MREG: variants seen among roughly 807,000 people sequenced by gnomAD.
MREG encodes dilute suppressor protein homolog.
A neutral mutation model predicts 28.5 loss-of-function variants in MREG; 31 were observed. The observed-to-expected ratio is 1.09, with a 90% CI of 0.82 to 1.47. MREG has a LOEUF of 1.47. Ranked by LOEUF, MREG falls within the 40% of genes most tolerant of loss-of-function variation. The probability of loss-of-function intolerance (pLI) is 0.00; values close to 1 mark genes in which losing one functional copy is unlikely to be tolerated. For missense variants in MREG, 256 were observed against 257.4 expected (o/e 0.99, Z 0.04); for synonymous variants, 106 against 95.2 (o/e 1.11, Z -0.66).
intron 1 of MREG, among the ~76,000 whole-genome samples, chr2:216,032,448 C>T (rs953345415): frequency 3.9e-5 from 6 of 152,330 alleles, no homozygotes; most frequent in South Asian, 2.1e-4. Flanking sequence ...TGCAACCCTC[C>T]GTTGACCCAG....
intron 2 of MREG, among the ~76,000 whole-genome samples, chr2:215,979,978 C>CAAAAA (rs5838560): frequency 4.2e-5 from 6 of 143,382 alleles, no homozygotes; most frequent in Non-Finnish European, 4.5e-5. Flanking sequence ...AACAAACAAA[C>CAAAAA]AAAAAAAAAA....
chr2:215,950,116 C>G (rs1241067744), intron 2 of MREG, among the ~76,000 whole-genome samples: 2 of 152,192 alleles, frequency 1.3e-5, no homozygotes, highest in Non-Finnish European at 2.9e-5. Flanking sequence ...TGAGTTGCCT[C>G]GTATGTTCAC....
chr2:215,980,426 G>T (rs536805040), intron 2 of MREG, among the ~76,000 whole-genome samples: 70 of 152,282 alleles, frequency 4.6e-4, no homozygotes, highest in Non-Finnish European at 4.4e-5. Context: ...AAGCTCCCCA[G>T]TCTCCTGTTC....
At position 215,943,567 on chromosome 2, in the gene MREG, C is replaced by A. The variant is rs774075890; in HGVS notation, c.*1296G>T. ...ATAAAATGCCAAGGGCTTGGCCGGGCGCGGTGACTCACGCCTGTAATCCCA... is the reference window on the plus strand; with the variant it reads ...ATAAAATGCCAAGGGCTTGGCCGGGAGCGGTGACTCACGCCTGTAATCCCA... On this transcript the variant is annotated 3_prime_UTR_variant, in exon 5 of 5. Coordinates refer to ENST00000263268, the MANE Select transcript of MREG (RefSeq NM_018000.3). 2.3e-4 allele frequency: 105 copies of A among 450,146 alleles called. No homozygotes were observed. Among genetic ancestry groups the A allele is most frequent in the Non-Finnish European group, 5.8e-5 (13 of 223,326 alleles). 27.9% of individuals were successfully genotyped at this position (450,146 alleles called of 1,614,324 possible).
intron 1 of MREG, among the ~76,000 whole-genome samples, chr2:216,020,761 C>T (rs969439986): frequency 6.6e-6 from 1 of 152,194 alleles, no homozygotes; most frequent in Non-Finnish European, 1.5e-5. Flanking sequence ...CAAGGAGGAC[C>T]GCCATCTAGA....
rs376684382 is a variant in MREG, at chr2:215,946,500, G to A, written c.346+523C>T. ...CACATTTATTGTATCACAATCCCGGGAGAATTGAGAAAAATCATTATCATT... is the reference window on the plus strand; with the variant it reads ...CACATTTATTGTATCACAATCCCGGAAGAATTGAGAAAAATCATTATCATT... On this transcript the variant is annotated intron_variant, in intron 3 of 4. Coordinates refer to ENST00000263268, the MANE Select transcript of MREG (RefSeq NM_018000.3). Among the ~76,000 whole-genome samples the A allele has an allele frequency of 7.9e-5, 12 of 152,254 alleles. No homozygotes were observed. In the East Asian group the frequency reaches 1.3e-3, roughly 17 times the overall value.
chr2:215,942,262 TA>T (rs200835217), downstream of MREG, among the ~76,000 whole-genome samples: 3 of 150,666 alleles, frequency 2.0e-5, no homozygotes, highest in African/African-American at 7.3e-5. Flanking sequence ...AGTAAGAATA[TA>T]AAAAAAAATG....
chr2:215,953,606 C>G (rs777615162), intron 2 of MREG, among the ~76,000 whole-genome samples: 10 of 152,218 alleles, frequency 6.6e-5, no homozygotes, highest in Non-Finnish European at 1.3e-4. Flanking sequence ...ATCACTTTGA[C>G]TAGCCTGAGA....
In MREG at chr2:215,995,507, C is replaced by A. The variant is rs560302892; in HGVS notation, c.255+799G>T. Among the ~76,000 whole-genome samples the A allele has an allele frequency of 2.5e-3, 345 of 136,068 alleles. 12 individuals are homozygous for A. Among genetic ancestry groups the A allele is most frequent in the African/African-American group, 0.011 (318 of 28,892 alleles). The allele number at this position is 136,068 out of a possible 152,430, so 89.3% of individuals were successfully genotyped here. On this transcript the variant is annotated intron_variant, in intron 2 of 4. Coordinates refer to ENST00000263268, the MANE Select transcript of MREG (RefSeq NM_018000.3). ...AAGCTCCACAGCACCTCCACCCACC[C>A]CACCCCCCGCCACCAATATACACAC...
chr2:216,013,302 G>T lies in MREG; in HGVS notation c.26C>A (p.Thr9Asn). MGLRDWLR[T>N]VCCCCGCECL... ...CTCGCACCCGCAGCAGCAGCACACG[G>T]TTCTCAGCCAGTCCCTCAGCCCCAT... is the stretch of plus-strand genomic sequence containing the variant. Residue 9 changes from threonine (T) to asparagine (N), a missense_variant, in exon 1 of 5, where the codon ACC becomes AAC. Transcript: ENST00000263268. 1.9e-6 allele frequency: 3 copies of T among 1,549,358 alleles called. No individual in the cohort carries two copies. The highest frequency in any genetic ancestry group is 1.4e-5 in the African/African-American group (1 of 73,110).
At chr2:216,031,675 GAA>G (rs1416853658) in intron 1 of MREG, among the ~76,000 whole-genome samples, 94 of 47,052 alleles carry the variant, frequency 2.0e-3, no homozygotes, top group South Asian at 0.014. Flanking sequence ...AAGAAAGAAA[GAA>G]AGAAAGAAAG....
chr2:216,013,192 G>A, intron 1 of MREG, 41 bp downstream of exon 1: 2 of 1,528,060 alleles, frequency 1.3e-6, no homozygotes, highest in Non-Finnish European at 1.8e-6. Flanking sequence ...CCCGGCTACG[G>A]CCCAGGTAAG....
Position 215,993,792 on chromosome 2 carries a change from G to GGCCAACAAACATATGAA in MREG, c.255+2497_255+2513dup, listed in dbSNP as rs1419685775. On this transcript the variant is annotated intron_variant, in intron 2 of 4. Coordinates refer to ENST00000263268, the MANE Select transcript of MREG (RefSeq NM_018000.3). ...ACTTCTCAAAAGAAGACATTTGTGC[G>GGCCAACAAACATATGAA]GCCAACAAACATATGAAAAAAGCTC... is the stretch of plus-strand genomic sequence containing the variant. 5.3e-5 allele frequency among the ~76,000 whole-genome samples: 8 copies of GGCCAACAAACATATGAA among 152,010 alleles called. 1 individual carries two copies. The East Asian group carries it at 1.5e-3, about 29-fold the overall frequency.
intron 2 of MREG, among the ~76,000 whole-genome samples, chr2:215,968,148 G>A (rs888576799): frequency 1.3e-5 from 2 of 152,164 alleles, no homozygotes; most frequent in East Asian, 1.9e-4. Flanking sequence ...GGCCCAGAGA[G>A]GTTGAGTGGT....
intron 2 of MREG, among the ~76,000 whole-genome samples, chr2:215,963,455 AC>A (rs869158216): frequency 0.07 from 509 of 7,226 alleles, 49 homozygotes; most frequent in African/African-American, 0.1. Flanking sequence ...AAAAAAAAAA[AC>A]AAAAAAACAG....
chr2:215,992,870 C>T (rs962398889), intron 2 of MREG, among the ~76,000 whole-genome samples: 4 of 152,062 alleles, frequency 2.6e-5, no homozygotes, highest in Non-Finnish European at 2.9e-5. Flanking sequence ...ATGTGAAAGA[C>T]CTCTTCAGGG....
chr2:215,978,378 G>T (rs1460938670), intron 2 of MREG, among the ~76,000 whole-genome samples: 1 of 152,152 alleles, frequency 6.6e-6, no homozygotes, highest in Non-Finnish European at 1.5e-5. Flanking sequence ...CTCTGAAATT[G>T]AGGCAATCAT....
At chr2:215,949,196 G>C (rs1237342649) in intron 2 of MREG, among the ~76,000 whole-genome samples, 1 of 151,490 alleles carries the variant, frequency 6.6e-6, no homozygotes, top group African/African-American at 2.4e-5. Context: ...TCAGGAGGCA[G>C]AGGTTGCAGT....
At chr2:215,949,252 C>CT (rs1692418849) in intron 2 of MREG, among the ~76,000 whole-genome samples, 1 of 140,402 alleles carries the variant, frequency 7.1e-6, no homozygotes, top group African/African-American at 2.7e-5. Context: ...GAGAGTGAGA[C>CT]TTTGTCTTAA....
Sources: allele counts gnomAD v4.1 joint callset (sites outside exome capture counted in the v4.1 genomes callset), GRCh38; gene constraint gnomAD v4.1.1; transcripts MANE v1.5; gene names NCBI Gene and HGNC (gene_info 2026-07-23, HGNC 2026-07-21).